Variants in PCM1 observed in about 807,000 individuals in gnomAD.
The protein encoded by PCM1 is pericentriolar material 1.
PCM1 carries 157 observed loss-of-function variants against 241.9 expected under a neutral mutation model. The ratio of observed to expected loss-of-function variants is 0.65; its 90% CI spans 0.57 to 0.74. PCM1 has a LOEUF of 0.74. Ranked by LOEUF, PCM1 falls within the 30% of genes least tolerant of loss-of-function variation. PCM1 has a pLI of 0.00. For synonymous variants in PCM1, 1,085 were observed against 784.9 expected, an observed-to-expected ratio of 1.38 and a Z score of -6.39; for missense variants, 3,478 against 2,360.1, an observed-to-expected ratio of 1.47 and a Z score of -9.81.
chr8:17,966,525 G>C, intron 20 of PCM1, 52 bp downstream of exon 20: 1 of 1,533,314 alleles, frequency 6.5e-7, no homozygotes, highest in Non-Finnish European at 8.9e-7. Flanking sequence ...ACATTGAGCA[G>C]AGGTTTTACA....
intron 25 of PCM1, 45 bp downstream of exon 25, chr8:17,985,664 C>CT: frequency 7.2e-7 from 1 of 1,397,566 alleles, no homozygotes; most frequent in Non-Finnish European, 1.0e-6. Context: ...TTATCACCTT[C>CT]TTCATGATTA....
chr8:17,932,863 C>T (rs930885932), intron 2 of PCM1, among the ~76,000 whole-genome samples: 4 of 152,090 alleles, frequency 2.6e-5, no homozygotes, highest in East Asian at 1.9e-4. Flanking sequence ...CAGCCTTTCT[C>T]AGTTGGGAGA....
At chr8:17,999,496 C>T (rs924894726) in intron 29 of PCM1, among the ~76,000 whole-genome samples, 10 of 152,042 alleles carry the variant, frequency 6.6e-5, no homozygotes, top group East Asian at 1.9e-4. Flanking sequence ...ACGACTCTGC[C>T]GGTGCCCTGT....
Position 17,985,341 on chromosome 8 carries a change from T to C in PCM1, c.4109-106T>C, listed in dbSNP as rs917309818. On this transcript the variant is annotated intron_variant, in intron 24 of 38. Transcript: ENST00000325083. The stretch of plus-strand genomic sequence containing the variant: ...AGCTCTGAAATAGAATTGTCTAAAA[T>C]AGAATTTTTAGATAATTTAAAGCTG... The C allele has an allele frequency of 2.5e-5, 17 of 677,532 alleles. No homozygotes were observed. In the African/African-American group the frequency reaches 3.2e-4, roughly 13 times the overall value. 42.0% of individuals were successfully genotyped at this position (677,532 alleles called of 1,614,324 possible). A position where few individuals can be genotyped will look rare whatever the true frequency, so the allele number is the denominator to read the frequency against.
At chr8:17,996,802 GC>G (rs1383269969) in intron 29 of PCM1, among the ~76,000 whole-genome samples, 4 of 152,234 alleles carry the variant, frequency 2.6e-5, no homozygotes, top group African/African-American at 9.6e-5. Context: ...GAAAACTTAT[GC>G]AAATGTTAAC....
At chr8:17,971,802 A>T (rs2076943844) in intron 22 of PCM1, among the ~76,000 whole-genome samples, 1 of 152,166 alleles carries the variant, frequency 6.6e-6, no homozygotes, top group South Asian at 2.1e-4. Flanking sequence ...AGTACAGTTG[A>T]TAACGATCAT....
At position 18,014,686 on chromosome 8, in the gene PCM1, A is replaced by G. The variant is rs1486888674; in HGVS notation, c.5687A>G (p.Asp1896Gly). 1 of 1,613,682 alleles carries G rather than the reference A, an allele frequency of 6.2e-7. No individual in the cohort carries two copies. Among genetic ancestry groups the G allele is most frequent in the Non-Finnish European group, 8.5e-7 (1 of 1,179,858 alleles). ...CATAAGGAGTCACCTCCTACTGTTG[A>G]TTCAACTCAACAGCCTAACCCTTTG... The part of the protein sequence containing the change: ...AAHKESPPTV[D>G]STQQPNPLPL... The change falls in exon 36 of 39, where the codon GAT becomes GGT. Residue 1896 changes from aspartate to glycine, a missense_variant. Physicochemically the swap from Asp to Gly is moderately conservative, Grantham distance 94. Transcript: ENST00000325083.
Position 17,945,265 on chromosome 8 carries a change from A to G in PCM1, c.784-1921A>G, listed in dbSNP as rs577085283. Among the ~76,000 whole-genome samples, 12 of 152,308 alleles carry G rather than the reference A, an allele frequency of 7.9e-5. No individual in the cohort carries two copies. The East Asian group carries it at 1.2e-3, about 15-fold the overall frequency. On this transcript the variant is annotated intron_variant, in intron 6 of 38. Transcript: ENST00000325083. Reference sequence around the variant, plus strand: ...GATGAATTTCCACGGAAATGGATGTAAATATTTACAAGGTAACTCCCCTTA... The same window carrying G: ...GATGAATTTCCACGGAAATGGATGTGAATATTTACAAGGTAACTCCCCTTA...
intron 4 of PCM1, among the ~76,000 whole-genome samples, chr8:17,937,724 A>G (rs932899860): frequency 6.6e-6 from 1 of 152,176 alleles, no homozygotes; most frequent in African/African-American, 2.4e-5. Flanking sequence ...ATCATTGGCT[A>G]AGTGTGGGAT....
At position 17,964,610 on chromosome 8, in the gene PCM1, TGAAGAA is replaced by T. The variant is rs757149191; in HGVS notation, c.2699_2704del (p.Glu900_Glu901del). Reference sequence around the variant, plus strand: ...GAGGGTCTACCCAGTGTGCACTAGATGAAGAAGGAGATGAAGACGGTTACCTTTCTG... The same window carrying T: ...GAGGGTCTACCCAGTGTGCACTAGATGGAGATGAAGACGGTTACCTTTCTG... On this transcript the variant is annotated inframe_deletion, in exon 18 of 39. Coordinates refer to ENST00000325083, the MANE Select transcript of PCM1 (RefSeq NM_006197.4). The T allele has an allele frequency of 1.2e-6, 2 of 1,613,712 alleles. No individual in the cohort carries two copies. The highest frequency in any genetic ancestry group is 1.1e-5 in the South Asian group (1 of 91,074).
chr8:17,983,092 G>A (rs1175441671), intron 24 of PCM1: 2 of 248,946 alleles, frequency 8.0e-6, no homozygotes, highest in East Asian at 9.3e-5. Flanking sequence ...TTTTTAAGTA[G>A]AGCGTAAGCC....
chr8:17,973,465 T>A (rs1377159911), intron 23 of PCM1, among the ~76,000 whole-genome samples: 1 of 152,150 alleles, frequency 6.6e-6, no homozygotes, highest in African/African-American at 2.4e-5. Context: ...ATGCCTGTAA[T>A]CCCAGCACTT....
chr8:17,942,996 CAAAAA>C (rs5889754), intron 6 of PCM1, among the ~76,000 whole-genome samples: 1 of 123,160 alleles, frequency 8.1e-6, no homozygotes, highest in African/African-American at 3.2e-5. Flanking sequence ...GACTCTGTCT[CAAAAA>C]AAAAAAAAAA....
chr8:17,962,769 G>C (rs936968767), intron 16 of PCM1, among the ~76,000 whole-genome samples: 1 of 148,022 alleles, frequency 6.8e-6, no homozygotes, highest in Non-Finnish European at 1.5e-5. Context: ...TAGGTGTAGT[G>C]GTGGGCGCCT....
intron 24 of PCM1, among the ~76,000 whole-genome samples, chr8:17,982,171 G>T (rs1564145326): frequency 6.6e-6 from 1 of 152,172 alleles, no homozygotes; most frequent in Non-Finnish European, 1.5e-5. Flanking sequence ...CTTCTGTTAA[G>T]TCTGTGTTCC....
chr8:17,928,647 A>G (rs1160164275), intron 2 of PCM1, among the ~76,000 whole-genome samples: 5 of 106,296 alleles, frequency 4.7e-5, no homozygotes, highest in African/African-American at 1.8e-4. Context: ...TTTTTTTTAA[A>G]GTGAGGCGGA....
chr8:17,991,348 A>G (rs981575879), intron 27 of PCM1, among the ~76,000 whole-genome samples, 194 bp from the exon 28 acceptor site: 2 of 152,128 alleles, frequency 1.3e-5, no homozygotes, highest in Non-Finnish European at 2.9e-5. Flanking sequence ...AATGTCATCT[A>G]CTATATAGGA....
chr8:17,986,284 A>C (rs2082564903), intron 26 of PCM1, 197 bp downstream of exon 26: 1 of 399,592 alleles, frequency 2.5e-6, no homozygotes, highest in Non-Finnish European at 4.4e-6. Context: ...AAACACCAAA[A>C]ATTATGTATG....
intron 23 of PCM1, among the ~76,000 whole-genome samples, chr8:17,978,979 G>A (rs913463267): frequency 3.3e-5 from 5 of 151,940 alleles, no homozygotes; most frequent in Non-Finnish European, 7.4e-5. Context: ...AGTAAAATGG[G>A]TATAAGAAGG....
Sources: allele counts gnomAD v4.1 joint callset (sites outside exome capture counted in the v4.1 genomes callset), GRCh38; gene constraint gnomAD v4.1.1; transcripts MANE v1.5; gene names NCBI Gene and HGNC (gene_info 2026-07-23, HGNC 2026-07-21).